Variants in GPR137C observed in about 807,000 individuals in gnomAD.
The protein encoded by GPR137C is integral membrane protein GPR137C.
In GPR137C, 27 loss-of-function variants were observed where a neutral mutation model predicts 43.4. The observed-to-expected ratio is 0.62, with a 90% confidence interval of 0.46 to 0.86. The LOEUF (loss-of-function observed/expected upper bound fraction) is 0.86. Among genes scored for constraint, GPR137C ranks in the 40% least tolerant of loss-of-function variants. The probability of loss-of-function intolerance (pLI) is 0.00; values close to 1 mark genes in which losing one functional copy is unlikely to be tolerated. For synonymous variants in GPR137C, 285 were observed against 226.9 expected (o/e 1.26, Z -2.30); for missense variants, 522 against 534.6 (o/e 0.98, Z 0.23).
At chr14:52,595,291 G>A (rs2038839053) in intron 1 of GPR137C, among the ~76,000 whole-genome samples, 1 of 152,100 alleles carries the variant, frequency 6.6e-6, no homozygotes, top group Non-Finnish European at 1.5e-5. Context: ...TGACAATTAT[G>A]TGTCTTGGGG....
At chr14:52,590,752 G>A (rs2139505383) in intron 1 of GPR137C, among the ~76,000 whole-genome samples, 1 of 152,294 alleles carries the variant, frequency 6.6e-6, no homozygotes, top group East Asian at 1.9e-4. Context: ...GCCTAGGTAT[G>A]TAGTAGGCTA....
intron 1 of GPR137C, among the ~76,000 whole-genome samples, chr14:52,573,770 A>G (rs2038507569): frequency 6.6e-6 from 1 of 152,200 alleles, no homozygotes; most frequent in South Asian, 2.1e-4. Context: ...AGGAACTATC[A>G]TCAGAGTGAA....
Position 52,554,154 on chromosome 14 carries a change from C to G in GPR137C, c.444+563C>G, listed in dbSNP as rs58073536. On this transcript the variant is annotated intron_variant, in intron 1 of 6. Transcript: ENST00000321662. The stretch of plus-strand genomic sequence containing the variant: ...TCACATAAATTTCGTTCGATAGTTC[C>G]CCAGCAGGGTTGATGATCAATAACC... Among the ~76,000 whole-genome samples, 2,115 of 152,276 alleles carry G rather than the reference C, an allele frequency of 0.014. 105 individuals carry two copies. The East Asian group carries it at 0.16, about 12-fold the overall frequency.
intron 1 of GPR137C, among the ~76,000 whole-genome samples, chr14:52,563,279 C>T (rs955918309): frequency 6.6e-6 from 1 of 152,164 alleles, no homozygotes; most frequent in African/African-American, 2.4e-5. Context: ...TAGATCCCCT[C>T]TTCTTTCCAA....
Position 52,636,577 on chromosome 14 carries a change from A to G in GPR137C, c.*1462A>G, listed in dbSNP as rs1043296075. 1.4e-4 allele frequency: 21 copies of G among 152,122 alleles called. No individual in the cohort carries two copies. The highest frequency in any genetic ancestry group is 5.1e-4 in the African/African-American group (21 of 41,448). The allele number at this position is 152,122 out of a possible 1,614,324, so 9.4% of individuals were successfully genotyped here. On this transcript the variant is annotated 3_prime_UTR_variant, in exon 7 of 7. Coordinates refer to ENST00000321662, the MANE Select transcript of GPR137C (RefSeq NM_001099652.2). ...GAATGTTATTTCCTCGCTTACTTAA[A>G]ATGTACTTCAACTTTTTAACAACTG... is the stretch of plus-strand genomic sequence containing the variant.
chr14:52,561,330 A>G (rs1245003152), intron 1 of GPR137C, among the ~76,000 whole-genome samples: 11 of 152,200 alleles, frequency 7.2e-5, no homozygotes. Flanking sequence ...TACAGAAGCC[A>G]GGCGTGGTGG....
At chr14:52,565,524 G>A (rs1157262408) in intron 1 of GPR137C, among the ~76,000 whole-genome samples, 1 of 152,060 alleles carries the variant, frequency 6.6e-6, no homozygotes, top group Non-Finnish European at 1.5e-5. Context: ...ACTACATATT[G>A]CTTTAGATCA....
intron 1 of GPR137C, among the ~76,000 whole-genome samples, chr14:52,557,954 C>G (rs2038219579): frequency 6.6e-6 from 1 of 152,180 alleles, no homozygotes; most frequent in Admixed American, 6.5e-5. Context: ...CAAACTCTTT[C>G]TTCACCTTTC....
At chr14:52,601,129 T>A (rs2038918736) in intron 3 of GPR137C, among the ~76,000 whole-genome samples, 2 of 152,146 alleles carry the variant, frequency 1.3e-5, no homozygotes, top group Admixed American at 1.3e-4. Flanking sequence ...AGAAAATTGA[T>A]CATCACAGTT....
At chr14:52,577,516 G>GCGCACACACACACA (rs369713179) in intron 1 of GPR137C, among the ~76,000 whole-genome samples, 2,868 of 145,358 alleles carry the variant, frequency 0.02, 35 homozygotes, top group East Asian at 0.051. Context: ...GCGCGCGCGC[G>GCGCACACACACACA]CACACACACA....
At chr14:52,580,890 A>G (rs1423027599) in intron 1 of GPR137C, among the ~76,000 whole-genome samples, 2 of 148,278 alleles carry the variant, frequency 1.3e-5, no homozygotes, top group East Asian at 3.9e-4. Flanking sequence ...ATATATACAT[A>G]TATATTTTTA....
intron 1 of GPR137C, among the ~76,000 whole-genome samples, chr14:52,571,153 A>G (rs2038461901): frequency 6.6e-6 from 1 of 152,232 alleles, no homozygotes; most frequent in Non-Finnish European, 1.5e-5. Context: ...ACCGCAGTGC[A>G]ATCAAATTAG....
At chr14:52,558,029 C>A (rs916598299) in intron 1 of GPR137C, among the ~76,000 whole-genome samples, 1 of 149,540 alleles carries the variant, frequency 6.7e-6, no homozygotes, top group Non-Finnish European at 1.5e-5. Flanking sequence ...ACCAGAGATT[C>A]AGAGAAATGC....
At chr14:52,570,699 A>C (rs2038452641) in intron 1 of GPR137C, among the ~76,000 whole-genome samples, 1 of 152,222 alleles carries the variant, frequency 6.6e-6, no homozygotes, top group Admixed American at 6.5e-5. Context: ...TTGCAATCCT[A>C]GTCTCTGATA....
intron 3 of GPR137C, among the ~76,000 whole-genome samples, chr14:52,602,280 A>C (rs1353828543): frequency 2.0e-5 from 3 of 151,772 alleles, no homozygotes; most frequent in African/African-American, 7.3e-5. Context: ...TTTATTGAGC[A>C]TCTACCTCTT....
chr14:52,596,463 T>C (rs773365570), intron 1 of GPR137C, among the ~76,000 whole-genome samples: 1 of 152,256 alleles, frequency 6.6e-6, no homozygotes, highest in Non-Finnish European at 1.5e-5. Flanking sequence ...CTTGCTGAGC[T>C]GCGGTGGGCT....
chr14:52,597,283 C>G (rs2038868341), intron 1 of GPR137C, among the ~76,000 whole-genome samples: 1 of 152,048 alleles, frequency 6.6e-6, no homozygotes, highest in South Asian at 2.1e-4. Context: ...GATGGTTTTT[C>G]TGTTCTTTCA....
At chr14:52,580,504 G>A (rs1302111466) in intron 1 of GPR137C, among the ~76,000 whole-genome samples, 3 of 152,040 alleles carry the variant, frequency 2.0e-5, no homozygotes, top group African/African-American at 7.2e-5. Flanking sequence ...TGGGACTGGA[G>A]GTGTGCACCA....
rs901189620 is a variant in GPR137C at position 52,620,942 on chromosome 14, A to G, written c.718-11218A>G. Among the ~76,000 whole-genome samples the G allele has an allele frequency of 5.3e-5, 8 of 151,880 alleles. No individual in the cohort carries two copies. In the South Asian group the frequency reaches 1.2e-3, roughly 24 times the overall value. ...AAGCTCAGGAGTCTAATTATGTGTA[A>G]TTATCATCCCCAAAGGGAAAGAGGA... On this transcript the variant is annotated intron_variant, in intron 3 of 6. Coordinates refer to ENST00000321662, the MANE Select transcript of GPR137C (RefSeq NM_001099652.2).
Sources: gnomAD v4.1 joint callset for allele counts (sites outside exome capture counted in the v4.1 genomes callset) on GRCh38, gnomAD v4.1.1 for gene constraint, MANE v1.5 for transcripts, NCBI Gene and HGNC (gene_info 2026-07-23, HGNC 2026-07-21) for gene names.